Variants in RARB observed in about 807,000 individuals in gnomAD.
The protein encoded by RARB is retinoic acid receptor beta.
Under a neutral mutation model 51.9 loss-of-function variants are expected in RARB, and 17 were observed. The ratio of observed to expected loss-of-function variants is 0.33; its 90% confidence interval spans 0.22 to 0.49. RARB has a LOEUF of 0.49. RARB is among the 20% of genes least tolerant of loss of function. The pLI, the probability that RARB is intolerant of heterozygous loss-of-function variation, is 0.99. For missense variants in RARB, 369 were observed against 550.8 expected (o/e 0.67, Z 3.30); for synonymous variants, 215 against 195.4 (o/e 1.10, Z -0.84).
intron 2 of RARB, among the ~76,000 whole-genome samples, chr3:24,964,918 T>A (rs1462242619): frequency 6.6e-6 from 1 of 152,170 alleles, no homozygotes; most frequent in Admixed American, 6.5e-5. Context: ...TCACATCACA[T>A]AGGCAGATAT....
intron 2 of RARB, among the ~76,000 whole-genome samples, chr3:25,001,937 G>A (rs1012500773): frequency 6.6e-6 from 1 of 151,974 alleles, no homozygotes; most frequent in African/African-American, 2.4e-5. Flanking sequence ...GCCACCCCAT[G>A]TGGCTAATTT....
At chr3:24,910,782 G>T (rs1158819618) in intron 2 of RARB, among the ~76,000 whole-genome samples, 2 of 152,134 alleles carry the variant, frequency 1.3e-5, no homozygotes, top group Non-Finnish European at 2.9e-5. Flanking sequence ...TATGAGGGAG[G>T]ATTTTATGTG....
chr3:25,032,528 G>C (rs1697897856), intron 2 of RARB, among the ~76,000 whole-genome samples: 1 of 152,194 alleles, frequency 6.6e-6, no homozygotes, highest in African/African-American at 2.4e-5. Context: ...GAGAACCTCA[G>C]GCACTACTGC....
intron 3 of RARB, among the ~76,000 whole-genome samples, chr3:25,127,651 A>G (rs1699883567): frequency 6.6e-6 from 1 of 151,994 alleles, no homozygotes; most frequent in Non-Finnish European, 1.5e-5. Context: ...AAAGGGGAAG[A>G]GAGTGGGAGG....
chr3:25,051,784 AAGCTAAGAATTTATGC>A (rs1342764276), intron 2 of RARB, among the ~76,000 whole-genome samples: 3 of 152,200 alleles, frequency 2.0e-5, no homozygotes, highest in Admixed American at 1.3e-4. Flanking sequence ...GAACATGGCC[AAGCTAAGAATTTATGC>A]AGATGAGAAA....
At chr3:24,872,965 TC>T (rs1288706446) in intron 2 of RARB, among the ~76,000 whole-genome samples, 1 of 152,218 alleles carries the variant, frequency 6.6e-6, no homozygotes, top group Non-Finnish European at 1.5e-5. Flanking sequence ...GCAAACTTTT[TC>T]TAAAGGCCAA....
intron 5 of RARB, among the ~76,000 whole-genome samples, chr3:25,184,507 G>C (rs2125359442): frequency 6.6e-6 from 1 of 152,202 alleles, no homozygotes; most frequent in African/African-American, 2.4e-5. Flanking sequence ...TGATGTTAGT[G>C]TTGAAAATCT....
At chr3:25,470,228 G>A (rs763473488) in intron 2 of RARB, among the ~76,000 whole-genome samples, 1 of 151,922 alleles carries the variant, frequency 6.6e-6, no homozygotes, top group Non-Finnish European at 1.5e-5. Context: ...AGGAAGGGAG[G>A]AAAACAAAAA....
chr3:25,162,122 A>G (rs1700482779), intron 4 of RARB, among the ~76,000 whole-genome samples: 1 of 152,060 alleles, frequency 6.6e-6, no homozygotes, highest in Admixed American at 6.6e-5. Flanking sequence ...TTTATTTTTT[A>G]GAGACAGACT....
At chr3:25,320,750 G>A (rs920048923) in intron 5 of RARB, among the ~76,000 whole-genome samples, 18 of 152,038 alleles carry the variant, frequency 1.2e-4, no homozygotes, top group Admixed American at 1.0e-3. Context: ...TGAAACCTGG[G>A]GTTTACTTTT....
chr3:25,578,405 T>C (rs558631867), intron 4 of RARB, among the ~76,000 whole-genome samples: 39 of 152,366 alleles, frequency 2.6e-4, no homozygotes, highest in African/African-American at 8.9e-4. Flanking sequence ...CTCTCAGCCC[T>C]GGCGCGTGAT....
At chr3:25,504,046 C>T (rs4530495) in intron 3 of RARB, among the ~76,000 whole-genome samples, 8,963 of 152,250 alleles carry the variant, frequency 0.059, 292 homozygotes, top group Non-Finnish European at 0.078. Context: ...TCCATTCTAG[C>T]CATAGGACAT....
At chr3:25,083,303 T>G (rs1699044628) in intron 3 of RARB, among the ~76,000 whole-genome samples, 1 of 152,180 alleles carries the variant, frequency 6.6e-6, no homozygotes, top group African/African-American at 2.4e-5. Context: ...GTAACCTATT[T>G]TATGTTGTCC....
At chr3:25,337,767 A>T (rs1293288926) in intron 5 of RARB, among the ~76,000 whole-genome samples, 1 of 152,112 alleles carries the variant, frequency 6.6e-6, no homozygotes, top group Non-Finnish European at 1.5e-5. Flanking sequence ...CTGAAATTAT[A>T]AATACCTTTT....
At position 25,188,169 on chromosome 3, in the gene RARB, A is replaced by G. The variant is rs142608680; in HGVS notation, c.178+13594A>G. Reference sequence around the variant, plus strand: ...GTTTAGGACAAATTCTAGCAAGCATATTAATAGTCTTCATTTCTGGGTCAG... The same window carrying G: ...GTTTAGGACAAATTCTAGCAAGCATGTTAATAGTCTTCATTTCTGGGTCAG... On this transcript the variant is annotated intron_variant, in intron 5 of 11. Coordinates refer to the RARB transcript ENST00000383772. 5.3e-3 allele frequency among the ~76,000 whole-genome samples: 802 copies of G among 152,200 alleles called. 13 individuals carry two copies. Among genetic ancestry groups the G allele is most frequent in the African/African-American group, 0.017 (701 of 41,558 alleles).
Position 25,189,702 on chromosome 3 carries a change from C to T in RARB, c.178+15127C>T, listed in dbSNP as rs145879567. Among the ~76,000 whole-genome samples, 347 of 152,104 alleles carry T rather than the reference C, an allele frequency of 2.3e-3. 2 individuals are homozygous for T. Among genetic ancestry groups the T allele is most frequent in the East Asian group, 0.02 (105 of 5,156 alleles). On this transcript the variant is annotated intron_variant, in intron 5 of 11. Transcript: ENST00000383772. ...AGGAGTTCAAGACCAGCCTGGCCAA[C>T]GTGGCAAAACCCTGTCTCTATAAAA...
At chr3:25,027,136 A>C (rs2125288026) in intron 2 of RARB, among the ~76,000 whole-genome samples, 1 of 152,364 alleles carries the variant, frequency 6.6e-6, no homozygotes, top group South Asian at 2.1e-4. Context: ...AATGGAAAAG[A>C]ATAACTTACT....
chr3:25,247,168 C>A (rs1052060727), intron 5 of RARB, among the ~76,000 whole-genome samples: 13 of 152,184 alleles, frequency 8.5e-5, no homozygotes, highest in Non-Finnish European at 1.8e-4. Context: ...AGATGCCCTT[C>A]CCCCACCAAG....
intron 4 of RARB, among the ~76,000 whole-genome samples, chr3:25,149,328 T>C (rs321537): frequency 0.21 from 31,449 of 152,214 alleles, 3,386 homozygotes; most frequent in African/African-American, 0.26. Flanking sequence ...CATGCCTGGT[T>C]TGTCGTCTGC....
Sources: allele counts gnomAD v4.1 joint callset (sites outside exome capture counted in the v4.1 genomes callset), GRCh38; gene constraint gnomAD v4.1.1; transcripts MANE v1.5; gene names NCBI Gene and HGNC (gene_info 2026-07-23, HGNC 2026-07-21).